Variants in TARM1 observed in about 807,000 individuals in gnomAD.
TARM1 encodes the protein T cell-interacting, activating receptor on myeloid cells 1, also known as T-cell-interacting, activating receptor on myeloid cells protein 1.
Under a neutral mutation model 30.4 loss-of-function variants are expected in TARM1, and 24 were observed. That is an observed-to-expected ratio of 0.79 (90% CI 0.57 to 1.11). The LOEUF is 1.11. Among genes scored for constraint, TARM1 ranks in the 50% least tolerant of loss-of-function variants. The pLI is 0.00. For synonymous variants in TARM1, 129 were observed against 138.9 expected (o/e 0.93, Z 0.50); for missense variants, 323 against 332.8 (o/e 0.97, Z 0.23).
chr19:54,074,061 T>C lies in TARM1; in HGVS notation c.517A>G (p.Ser173Gly), dbSNP rs1443704275. The change falls in exon 4 of 5, where the codon AGT becomes GGT. Residue 173 changes from serine to glycine, a missense_variant. Coordinates refer to ENST00000432826, the MANE Select transcript of TARM1 (RefSeq NM_001135686.3). ...AGTPSPIQLQ[S>G]PAGKEIDFSL... ...AAGTCTATCTCCTTCCCCGCTGGACTCTGCAGCTGGATGGGTGATGGCGTC... is the reference window on the plus strand; with the variant it reads ...AAGTCTATCTCCTTCCCCGCTGGACCCTGCAGCTGGATGGGTGATGGCGTC... The C allele has an allele frequency of 3.2e-6, 5 of 1,551,582 alleles. No homozygotes were observed. The highest frequency in any genetic ancestry group is 2.0e-5 in the Admixed American group (1 of 50,960).
intron 2 of TARM1, among the ~76,000 whole-genome samples, 185 bp downstream of exon 2, chr19:54,075,698 C>G (rs1400853808): frequency 6.6e-6 from 1 of 151,622 alleles, no homozygotes; most frequent in African/African-American, 2.4e-5. Context: ...GAGGCTGAGA[C>G]AGGAGAATCA....
chr19:54,071,945 C>A (rs2071823108), intron 4 of TARM1, among the ~76,000 whole-genome samples: 1 of 152,124 alleles, frequency 6.6e-6, no homozygotes, highest in Admixed American at 6.6e-5. Flanking sequence ...GTAATCCCAG[C>A]ACTTTGGGAG....
intron 4 of TARM1, 127 bp from the exon 5 acceptor site, chr19:54,070,287 G>T (rs7250246): frequency 0.28 from 376,899 of 1,366,594 alleles, 53,946 homozygotes; most frequent in Admixed American, 0.31. Flanking sequence ...TTTTGAGACG[G>T]AGTTTTACTC....
intron 1 of TARM1, among the ~76,000 whole-genome samples, chr19:54,078,740 C>T (rs1448352690): frequency 1.3e-5 from 2 of 151,486 alleles, no homozygotes; most frequent in East Asian, 2.0e-4. Context: ...TGGGCTCAAG[C>T]GATCTGCCTG....
chr19:54,076,235 CTTTTTCTTTCCTTTCTTTCTTTCT>C (rs2071946795), intron 1 of TARM1: 2 of 1,508,970 alleles, frequency 1.3e-6, no homozygotes, highest in Non-Finnish European at 1.8e-6. Context: ...TTCTTTCTTT[CTTTTTCTTTCCTTTCTTTCTTTCT>C]TTTTTCTTTC....
chr19:54,075,613 T>C (rs587715773), intron 2 of TARM1, among the ~76,000 whole-genome samples: 1 of 151,078 alleles, frequency 6.6e-6, no homozygotes, highest in South Asian at 2.1e-4. Context: ...GCCAACATGG[T>C]GAAACTCCGT....
chr19:54,073,505 T>C (rs1187624770), intron 4 of TARM1, among the ~76,000 whole-genome samples: 1 of 151,820 alleles, frequency 6.6e-6, no homozygotes, highest in African/African-American at 2.4e-5. Context: ...TTTTGTTTTT[T>C]GTTTTTGAGA....
At chr19:54,079,092 TAAAAA>T (rs1162488725) in intron 1 of TARM1, among the ~76,000 whole-genome samples, 3 of 102,412 alleles carry the variant, frequency 2.9e-5, no homozygotes, top group Admixed American at 1.0e-4. Flanking sequence ...TTGTCTCTAC[TAAAAA>T]AAAAAAAAAA....
At chr19:54,070,300 G>C in intron 4 of TARM1, 140 bp from the exon 5 acceptor site, 2 of 1,329,310 alleles carry the variant, frequency 1.5e-6, no homozygotes. Context: ...TTTTACTCTT[G>C]TTGACCAGGC....
At chr19:54,080,496 GAGGAAGGAAGGAAGGAAGGAAGGA>G (rs58067817) in intron 1 of TARM1, among the ~76,000 whole-genome samples, 4 of 107,416 alleles carry the variant, frequency 3.7e-5, no homozygotes, top group Admixed American at 3.3e-4. Flanking sequence ...GGAAGGAAGG[GAGGAAGGAAGGAAGGAAGGAAGGA>G]AGGAAGGAAG....
At chr19:54,080,123 G>GAAAGAAAGAAAGAAAGAAA (rs2072070721) in intron 1 of TARM1, among the ~76,000 whole-genome samples, 1 of 45,154 alleles carries the variant, frequency 2.2e-5, no homozygotes, top group Non-Finnish European at 4.8e-5. Context: ...AAGGAAGGAA[G>GAAAGAAAGAAAGAAAGAAA]GAAGGAAGGA....
chr19:54,080,770 C>T (rs1390209845), intron 1 of TARM1, among the ~76,000 whole-genome samples: 2 of 151,952 alleles, frequency 1.3e-5, no homozygotes, highest in East Asian at 1.9e-4. Context: ...GTCGGGAGTT[C>T]GAGACCAGCC....
At chr19:54,077,739 GTTTTTTTTTT>G (rs1185350896) in intron 1 of TARM1, among the ~76,000 whole-genome samples, 1 of 117,634 alleles carries the variant, frequency 8.5e-6, no homozygotes, top group Non-Finnish European at 1.8e-5. Context: ...CTTTTTCTTC[GTTTTTTTTTT>G]TTTTTTTTTT....
At chr19:54,080,485 AG>A (rs2072097691) in intron 1 of TARM1, among the ~76,000 whole-genome samples, 3,924 of 100,778 alleles carry the variant, frequency 0.039, 104 homozygotes, top group African/African-American at 0.068. Context: ...AGAGAGAGAG[AG>A]GAAGGAAGGG....
chr19:54,078,601 A>T (rs1239131732), intron 1 of TARM1, among the ~76,000 whole-genome samples: 1 of 150,834 alleles, frequency 6.6e-6, no homozygotes, highest in Non-Finnish European at 1.5e-5. Context: ...CTGTTCTCGA[A>T]CTCCTTACGT....
chr19:54,078,701 C>A (rs1222648035), intron 1 of TARM1, among the ~76,000 whole-genome samples: 1 of 145,298 alleles, frequency 6.9e-6, no homozygotes, highest in Non-Finnish European at 1.5e-5. Context: ...CAGGGTTTCA[C>A]CATGTTGCCC....
intron 1 of TARM1, among the ~76,000 whole-genome samples, chr19:54,077,205 AC>A (rs1317703190): frequency 6.6e-6 from 1 of 151,680 alleles, no homozygotes; most frequent in Non-Finnish European, 1.5e-5. Context: ...ACATGGTGAA[AC>A]CCCGTCTCTA....
intron 1 of TARM1, among the ~76,000 whole-genome samples, chr19:54,080,970 C>T (rs1471149660): frequency 6.6e-6 from 1 of 151,706 alleles, no homozygotes; most frequent in African/African-American, 2.4e-5. Context: ...AAAACCCTGT[C>T]TCAAAAAAAT....
intron 2 of TARM1, among the ~76,000 whole-genome samples, chr19:54,075,328 C>T (rs1297922560): frequency 6.6e-6 from 1 of 151,862 alleles, no homozygotes; most frequent in Non-Finnish European, 1.5e-5. Flanking sequence ...GGTGGGATTA[C>T]AGGCACGCAC....
Sources: allele counts gnomAD v4.1 joint callset (sites outside exome capture counted in the v4.1 genomes callset), GRCh38; gene constraint gnomAD v4.1.1; transcripts MANE v1.5; gene names NCBI Gene and HGNC (gene_info 2026-07-23, HGNC 2026-07-21).